Variants in EXOC4 observed in about 807,000 individuals in gnomAD.
EXOC4 encodes the protein SEC8-like 1.
Under a neutral mutation model 107.2 loss-of-function variants are expected in EXOC4, and 71 were observed. That is an observed-to-expected ratio of 0.66 (90% CI 0.55 to 0.81). EXOC4 has a LOEUF of 0.81. Among genes scored for constraint, EXOC4 ranks in the 30% least tolerant of loss-of-function variants. The probability of loss-of-function intolerance (pLI) is 0.00; values close to 1 mark genes in which losing one functional copy is unlikely to be tolerated. For synonymous variants in EXOC4, 456 were observed against 441.2 expected, an observed-to-expected ratio of 1.03 and a Z score of -0.42; for missense variants, 1,108 against 1,189.6, an observed-to-expected ratio of 0.93 and a Z score of 1.01.
intron 10 of EXOC4, among the ~76,000 whole-genome samples, chr7:133,714,868 T>C (rs143914799): frequency 7.9e-4 from 120 of 152,292 alleles, no homozygotes; most frequent in African/African-American, 2.8e-3. Flanking sequence ...ATTTGGACTT[T>C]AGCCTCTACT....
chr7:133,393,119 A>G (rs947259054), intron 7 of EXOC4, among the ~76,000 whole-genome samples: 1 of 152,124 alleles, frequency 6.6e-6, no homozygotes, highest in Non-Finnish European at 1.5e-5. Flanking sequence ...CTTCTCTGAT[A>G]TGCTCCAGTC....
intron 14 of EXOC4, among the ~76,000 whole-genome samples, chr7:133,977,738 T>TTGTG (rs201003706): frequency 5.4e-4 from 48 of 88,196 alleles, no homozygotes; most frequent in South Asian, 2.7e-3. Flanking sequence ...TTTTGTTGTT[T>TTGTG]TGTGTGTGTG....
At chr7:133,628,750 AC>A (rs1802515923) in intron 9 of EXOC4, among the ~76,000 whole-genome samples, 1 of 151,884 alleles carries the variant, frequency 6.6e-6, no homozygotes, top group Admixed American at 6.6e-5. Context: ...TTGCACCATG[AC>A]CCTTCATTGT....
intron 9 of EXOC4, among the ~76,000 whole-genome samples, chr7:133,581,196 A>G (rs572468090): frequency 6.6e-6 from 1 of 152,262 alleles, no homozygotes; most frequent in South Asian, 2.1e-4. Flanking sequence ...TGGAAGTTTG[A>G]AGTTGGCTGG....
intron 6 of EXOC4, among the ~76,000 whole-genome samples, chr7:133,369,314 G>C (rs866491058): frequency 1.3e-5 from 2 of 152,092 alleles, no homozygotes; most frequent in Non-Finnish European, 2.9e-5. Context: ...AGGAGTGTAC[G>C]TGCTGGTGAG....
At position 133,737,334 on chromosome 7, in the gene EXOC4, C is replaced by G. The variant is rs533979576; in HGVS notation, c.1515-79991C>G. Reference sequence around the variant, plus strand: ...GCATTTTCAATCCATCTCCATCACTCTTCTGCAGAGACTCTATGCTGCAGC... The same window carrying G: ...GCATTTTCAATCCATCTCCATCACTGTTCTGCAGAGACTCTATGCTGCAGC... On this transcript the variant is annotated intron_variant, in intron 10 of 17. Transcript: ENST00000253861. 2.0e-5 allele frequency among the ~76,000 whole-genome samples: 3 copies of G among 152,096 alleles called. No homozygotes were observed. The East Asian group carries it at 5.8e-4, about 29-fold the overall frequency.
At chr7:134,093,498 C>G in the EXOC4 span, among the ~76,000 whole-genome samples, 2 of 152,268 alleles carry the variant, frequency 1.3e-5, no homozygotes, top group South Asian at 2.1e-4. Context: ...AACCCACTAA[C>G]AGCATTACAC....
At chr7:133,451,338 C>G (rs1366393716) in intron 7 of EXOC4, among the ~76,000 whole-genome samples, 1 of 151,962 alleles carries the variant, frequency 6.6e-6, no homozygotes, top group Non-Finnish European at 1.5e-5. Context: ...ATTTGTTCCT[C>G]ATTTCTACTT....
chr7:133,303,930 C>A (rs572324474), intron 3 of EXOC4, among the ~76,000 whole-genome samples: 2 of 152,308 alleles, frequency 1.3e-5, no homozygotes, highest in East Asian at 3.9e-4. Context: ...CACTCAGGAG[C>A]TGCCAGGCAC....
rs114933953 is a variant in EXOC4, at chr7:133,845,798, T to C, written c.1734+28254T>C. ...ACAGGTTTATTTTATAATCATGCCA[T>C]GAACACAAGTCAGAGTAATCTGATT... On this transcript the variant is annotated intron_variant, in intron 11 of 17. Coordinates refer to ENST00000253861, the MANE Select transcript of EXOC4 (RefSeq NM_021807.4). Among the ~76,000 whole-genome samples the C allele has an allele frequency of 2.4e-3, 366 of 152,270 alleles. 5 individuals are homozygous for C. The highest frequency in any genetic ancestry group is 8.2e-3 in the African/African-American group (342 of 41,552).
intron 13 of EXOC4, among the ~76,000 whole-genome samples, chr7:133,935,132 A>C (rs1436949794): frequency 6.6e-6 from 1 of 151,854 alleles, no homozygotes; most frequent in South Asian, 2.1e-4. Flanking sequence ...CCATTGCCCC[A>C]CCATCTTTGG....
In EXOC4 at chr7:133,275,816, CT is replaced by C. The variant is rs752074940; in HGVS notation, c.276+659del. On this transcript the variant is annotated intron_variant, in intron 2 of 17. Coordinates refer to ENST00000253861, the MANE Select transcript of EXOC4 (RefSeq NM_021807.4). ...AAATGTTTATGAGAACAATTTTTTT[CT>C]TTTTTTTTTTTTTAGAGTTGGAGCC... Among the ~76,000 whole-genome samples, 1,316 of 139,400 alleles carry C rather than the reference CT, an allele frequency of 9.4e-3. 8 individuals are homozygous for C. The highest frequency in any genetic ancestry group is 0.023 in the Middle Eastern group (6 of 264). The allele number at this position is 139,400 out of a possible 152,430, so 91.5% of individuals were successfully genotyped here.
In EXOC4 at chr7:133,581,554, C is replaced by T. The variant is rs933488095; in HGVS notation, c.1418-48491C>T. Among the ~76,000 whole-genome samples the T allele has an allele frequency of 9.3e-5, 14 of 151,248 alleles. 1 individual carries two copies. Among genetic ancestry groups the T allele is most frequent in the Admixed American group, 2.0e-4 (3 of 15,206 alleles). ...CGGGCGGATCACGAGGTCAGGAGAT[C>T]GAGACCATCCTGGCTAACACGGTGA... is the stretch of plus-strand genomic sequence containing the variant. On this transcript the variant is annotated intron_variant, in intron 9 of 17. Transcript: ENST00000253861.
intron 9 of EXOC4, among the ~76,000 whole-genome samples, chr7:133,566,981 G>C (rs1049980722): frequency 2.0e-5 from 3 of 152,122 alleles, no homozygotes; most frequent in Non-Finnish European, 4.4e-5. Flanking sequence ...TTAGATGTCT[G>C]ATGTAAGAAC....
intron 9 of EXOC4, among the ~76,000 whole-genome samples, chr7:133,597,955 G>T (rs951725049): frequency 1.3e-5 from 2 of 151,410 alleles, no homozygotes; most frequent in African/African-American, 4.9e-5. Flanking sequence ...GGAGGCTTCC[G>T]CCTCCCAGGA....
chr7:133,918,591 A>G (rs1287834888), intron 13 of EXOC4, among the ~76,000 whole-genome samples: 1 of 152,222 alleles, frequency 6.6e-6, no homozygotes, highest in Non-Finnish European at 1.5e-5. Flanking sequence ...CAACAAAAGT[A>G]GAGTCTTTCT....
intron 9 of EXOC4, among the ~76,000 whole-genome samples, chr7:133,589,262 A>G (rs1801483438): frequency 6.6e-6 from 1 of 152,176 alleles, no homozygotes; most frequent in Admixed American, 6.5e-5. Context: ...AAGTTTGGCT[A>G]ACTTTCTCAA....
At chr7:134,060,288 A>T (rs1314967337) in intron 17 of EXOC4, among the ~76,000 whole-genome samples, 1 of 152,206 alleles carries the variant, frequency 6.6e-6, no homozygotes, top group Non-Finnish European at 1.5e-5. Context: ...CTCCTTCCAG[A>T]ATGTTCCATC....
chr7:133,815,676 G>C (rs941065246), intron 10 of EXOC4, among the ~76,000 whole-genome samples: 3 of 152,086 alleles, frequency 2.0e-5, no homozygotes, highest in African/African-American at 7.2e-5. Context: ...ATCTCCAAGA[G>C]TTTTTTTAAG....
Sources: allele counts gnomAD v4.1 joint callset (sites outside exome capture counted in the v4.1 genomes callset), GRCh38; gene constraint gnomAD v4.1.1; transcripts MANE v1.5; gene names NCBI Gene and HGNC (gene_info 2026-07-23, HGNC 2026-07-21).